RCC1L: variants seen among roughly 807,000 people sequenced by gnomAD.
RCC1L encodes the protein RCC1 like.
In RCC1L, 46 loss-of-function variants were observed where a neutral mutation model predicts 58.6. The observed-to-expected ratio is 0.79, with a 90% CI of 0.62 to 1.00. The LOEUF (loss-of-function observed/expected upper bound fraction) is 1.00, where lower values mean the gene tolerates loss of function less well. Ranked by LOEUF, RCC1L falls within the 50% of genes least tolerant of loss-of-function variation. The pLI is 0.00. For missense variants in RCC1L, 636 were observed against 623.6 expected, an observed-to-expected ratio of 1.02 and a Z score of -0.21; for synonymous variants, 281 against 262.9, an observed-to-expected ratio of 1.07 and a Z score of -0.67.
chr7:75,031,873 T>C (rs1175936109), intron 10 of RCC1L, among the ~76,000 whole-genome samples: 2 of 152,176 alleles, frequency 1.3e-5, no homozygotes, highest in Non-Finnish European at 2.9e-5. Flanking sequence ...AGGATGCACT[T>C]CTAAGTGAGG....
chr7:75,033,561 G>A (rs947460187), intron 10 of RCC1L, among the ~76,000 whole-genome samples: 1 of 152,078 alleles, frequency 6.6e-6, no homozygotes, highest in Non-Finnish European at 1.5e-5. Context: ...CAGGCATGGT[G>A]GCAGCCACCT....
chr7:75,050,600 G>A (rs1360914398), intron 10 of RCC1L, among the ~76,000 whole-genome samples: 4 of 152,294 alleles, frequency 2.6e-5, no homozygotes, highest in Non-Finnish European at 5.9e-5. Context: ...AGTCCTTTTC[G>A]AAAGAAAGGG....
chr7:75,041,877 A>G (rs1805577995), downstream of RCC1L, among the ~76,000 whole-genome samples: 1 of 151,692 alleles, frequency 6.6e-6, no homozygotes, highest in South Asian at 2.1e-4. Context: ...AAAAAAAAAA[A>G]AAAAAGAAAA....
chr7:75,052,908 C>G, intron 9 of RCC1L, 112 bp from the exon 10 acceptor site: 2 of 1,018,378 alleles, frequency 2.0e-6, no homozygotes, highest in Non-Finnish European at 3.0e-6. Flanking sequence ...ACAGAGCCCA[C>G]TGTTCAGCTT....
downstream of RCC1L, among the ~76,000 whole-genome samples, chr7:75,039,525 C>T (rs1041330913): frequency 6.6e-6 from 1 of 152,170 alleles, no homozygotes; most frequent in African/African-American, 2.4e-5. Context: ...CCCATCTCTT[C>T]CCCGAAGAAA....
chr7:75,030,944 C>G (rs1324033266), intron 10 of RCC1L, among the ~76,000 whole-genome samples: 1 of 152,196 alleles, frequency 6.6e-6, no homozygotes, highest in East Asian at 1.9e-4. Flanking sequence ...TTGGAGACCC[C>G]TGCCCCTCAC....
At chr7:75,059,963 C>T (rs1554444360) in intron 6 of RCC1L, among the ~76,000 whole-genome samples, 5 of 151,862 alleles carry the variant, frequency 3.3e-5, no homozygotes, top group Admixed American at 6.6e-5. Context: ...TGGGTTTTAC[C>T]GTGTCAGCCA....
In RCC1L at chr7:75,064,487, C is replaced by G. The variant is rs1024227154; in HGVS notation, c.650+95G>C. ...TCTCACGGCCCCCTCTCAGGCATGC[C>G]TCTGACCGCCCCGCGGGTTTACCAC... On this transcript the variant is annotated intron_variant, in intron 4 of 10. Transcript: ENST00000610322. 3 of 1,431,752 alleles carry G rather than the reference C, an allele frequency of 2.1e-6. No homozygotes were observed. The African/African-American group carries it at 4.2e-5, about 20-fold the overall frequency. 88.7% of individuals were successfully genotyped at this position (1,431,752 alleles called of 1,614,324 possible).
At chr7:75,071,178 A>G (rs587723993) in intron 1 of RCC1L, among the ~76,000 whole-genome samples, 2 of 152,318 alleles carry the variant, frequency 1.3e-5, no homozygotes, top group East Asian at 3.9e-4. Flanking sequence ...TTATTAAGAC[A>G]GCAACTAGCA....
In RCC1L at chr7:75,063,292, C is replaced by A; in HGVS notation, c.702G>T (p.Gln234His). 1 of 1,613,880 alleles carries A rather than the reference C, an allele frequency of 6.2e-7. No individual in the cohort carries two copies. The highest frequency in any genetic ancestry group is 8.5e-7 in the Non-Finnish European group (1 of 1,179,842). ...RMQDFDGQVV[Q>H]VACGQDHSLF... is the part of the protein sequence containing the mutation. ...GCAGCTCTCGGCCCATCTCTCTTAC[C>A]TGGACCACCTGGCCATCGAAGTCCT... Residue 234 changes from glutamine to histidine, a missense_variant and splice_region_variant, in exon 5 of 11, where the codon CAG becomes CAT. Gln to His is a conservative substitution (Grantham distance 24). Coordinates refer to ENST00000610322, the MANE Select transcript of RCC1L (RefSeq NM_030798.5).
chr7:75,041,035 C>T (rs917979235), downstream of RCC1L, among the ~76,000 whole-genome samples: 196 of 151,992 alleles, frequency 1.3e-3, no homozygotes, highest in Non-Finnish European at 2.2e-3. Flanking sequence ...CTGGCCAACA[C>T]GGCAAAACCC....
rs781809792 is a variant in RCC1L, at chr7:75,055,997, T to C, written c.1135A>G (p.Met379Val). ...PNLVESAVPEMIPPTLFGLTE... is the reference protein window; with the variant it reads ...PNLVESAVPEVIPPTLFGLTE... ...AAGCCAAAGAGAGTGGGTGGAATCA[T>C]TTCAGGGACGGCACTTTCCACTAGG... Residue 379 changes from methionine (M) to valine (V), a missense_variant, in exon 9 of 11, where the codon ATG (methionine) becomes GTG (valine). Transcript: ENST00000610322. 382 of 1,613,838 alleles carry C rather than the reference T, an allele frequency of 2.4e-4. No individual in the cohort carries two copies. Among genetic ancestry groups the C allele is most frequent in the Non-Finnish European group, 3.2e-4 (374 of 1,179,878 alleles).
chr7:75,042,564 C>T lies in RCC1L; in HGVS notation c.*468G>A, dbSNP rs1388198248. On this transcript the variant is annotated 3_prime_UTR_variant, in exon 11 of 11. Coordinates refer to ENST00000610322, the MANE Select transcript of RCC1L (RefSeq NM_030798.5). ...TGAGCAGGGTGGCCTGAATGAAAAC[C>T]GAGGGCCGAAGCCAGCCTGACTCCC... is the stretch of plus-strand genomic sequence containing the variant. The T allele has an allele frequency of 1.1e-5, 11 of 1,000,070 alleles. No individual in the cohort carries two copies. Among genetic ancestry groups the T allele is most frequent in the East Asian group, 1.1e-4 (1 of 9,254 alleles). 61.9% of individuals were successfully genotyped at this position (1,000,070 alleles called of 1,614,324 possible).
chr7:75,052,028 A>T (rs1215089973), intron 10 of RCC1L, among the ~76,000 whole-genome samples: 7 of 152,262 alleles, frequency 4.6e-5, no homozygotes, highest in Admixed American at 2.6e-4. Flanking sequence ...TGCCTTAAAG[A>T]ACTGACTTAG....
At chr7:75,039,080 TCTGC>T (rs1206991790), downstream of RCC1L, among the ~76,000 whole-genome samples, 1 of 152,226 alleles carries the variant, frequency 6.6e-6, no homozygotes, top group Non-Finnish European at 1.5e-5. Flanking sequence ...CCTCAAGTGC[TCTGC>T]CTGTCTCGGA....
downstream of RCC1L, among the ~76,000 whole-genome samples, chr7:75,037,385 C>T (rs1388651342): frequency 6.6e-6 from 1 of 151,386 alleles, no homozygotes; most frequent in Non-Finnish European, 1.5e-5. Context: ...GACGGTGTTT[C>T]ACCATGTTGG....
chr7:75,040,448 A>G (rs1805528469), downstream of RCC1L, among the ~76,000 whole-genome samples: 2 of 152,138 alleles, frequency 1.3e-5, no homozygotes, highest in African/African-American at 2.4e-5. Flanking sequence ...CAACAGAGAG[A>G]GACTCTGTCT....
chr7:75,067,257 C>T (rs1197957487), intron 2 of RCC1L, among the ~76,000 whole-genome samples: 2 of 149,994 alleles, frequency 1.3e-5, no homozygotes, highest in East Asian at 4.0e-4. Flanking sequence ...GCTGAGATTG[C>T]GCCATTGCAC....
intron 10 of RCC1L, among the ~76,000 whole-genome samples, chr7:75,028,543 C>T (rs878857476): frequency 6.6e-6 from 1 of 151,978 alleles, no homozygotes; most frequent in Admixed American, 6.6e-5. Flanking sequence ...ACCCCACCCT[C>T]TCCCCTTGCT....
Sources: allele counts gnomAD v4.1 joint callset (sites outside exome capture counted in the v4.1 genomes callset), GRCh38; gene constraint gnomAD v4.1.1; transcripts MANE v1.5; gene names NCBI Gene and HGNC (gene_info 2026-07-23, HGNC 2026-07-21).